Variants in SOX5 observed in about 807,000 individuals in gnomAD.
SOX5 encodes SRY-box transcription factor 5, also known as transcription factor SOX-5.
In SOX5, 9 loss-of-function variants were observed where a neutral mutation model predicts 92.0. That is an observed-to-expected ratio of 0.10 (90% confidence interval 0.06 to 0.17). The LOEUF is 0.17. Ranked by LOEUF, SOX5 falls within the 10% of genes least tolerant of loss-of-function variation. The pLI is 1.00. For missense variants in SOX5, 642 were observed against 944.5 expected, an observed-to-expected ratio of 0.68 and a Z score of 4.20; for synonymous variants, 344 against 336.3, an observed-to-expected ratio of 1.02 and a Z score of -0.25.
intron 1 of SOX5, among the ~76,000 whole-genome samples, chr12:23,899,422 A>G (rs1477716972): frequency 1.3e-5 from 2 of 151,594 alleles, no homozygotes; most frequent in African/African-American, 2.4e-5. Flanking sequence ...AAAAAAAAAA[A>G]GGCACCACAA....
intron 2 of SOX5, among the ~76,000 whole-genome samples, chr12:23,895,258 T>G (rs1432066095): frequency 6.9e-6 from 1 of 145,250 alleles, no homozygotes; most frequent in Non-Finnish European, 1.5e-5. Flanking sequence ...ACAGTGTGAA[T>G]AGGCCTGAGT....
intron 4 of SOX5, among the ~76,000 whole-genome samples, chr12:24,085,232 T>G (rs1203701363): frequency 1.3e-5 from 2 of 152,148 alleles, no homozygotes; most frequent in Non-Finnish European, 2.9e-5. Flanking sequence ...CTGTTCACCC[T>G]GAATTCATCC....
intron 4 of SOX5, among the ~76,000 whole-genome samples, chr12:24,167,006 C>A (rs1363693931): frequency 1.3e-5 from 2 of 152,090 alleles, no homozygotes; most frequent in Admixed American, 6.5e-5. Context: ...GGAAAATATG[C>A]TTTTGAAGGA....
At chr12:24,011,417 C>T (rs1952919981) in intron 4 of SOX5, among the ~76,000 whole-genome samples, 1 of 152,134 alleles carries the variant, frequency 6.6e-6, no homozygotes, top group South Asian at 2.1e-4. Flanking sequence ...TGTAGATGAG[C>T]CCATTGTGAC....
At chr12:24,131,987 C>CAAGGATGTCGT (rs2138509835) in intron 4 of SOX5, among the ~76,000 whole-genome samples, 1 of 152,240 alleles carries the variant, frequency 6.6e-6, no homozygotes, top group South Asian at 2.1e-4. Context: ...TCAAGGAGCA[C>CAAGGATGTCGT]GACCACATCC....
intron 8 of SOX5, among the ~76,000 whole-genome samples, chr12:23,638,915 T>C (rs2079642981): frequency 6.6e-6 from 1 of 152,004 alleles, no homozygotes; most frequent in Non-Finnish European, 1.5e-5. Context: ...CTTTTTTATA[T>C]GTTTATGTAA....
At chr12:23,903,021 G>T (rs1463624392) in intron 1 of SOX5, among the ~76,000 whole-genome samples, 1 of 152,044 alleles carries the variant, frequency 6.6e-6, no homozygotes, top group East Asian at 1.9e-4. Flanking sequence ...TTACCTTTAA[G>T]GAAGTTAGAG....
Position 23,895,951 on chromosome 12 carries a change from T to G in SOX5, c.112A>C (p.Lys38Gln), listed in dbSNP as rs759232610. Residue 38 changes from lysine (K) to glutamine (Q), a missense_variant, in exon 2 of 15, where the codon AAA becomes CAA. By Grantham distance (53) the Lys-to-Gln change is moderately conservative. Transcript: ENST00000451604. The part of the protein sequence containing the change: ...GEVAMVTSRQ[K>Q]VEEEESDGLP... ...CCGTCACTCTCCTCTTCTTCCACTT[T>G]CTGTCTGCTTGTCACCATGGCTACC... 1 of 1,614,136 alleles carries G rather than the reference T, an allele frequency of 6.2e-7. No homozygotes were observed. Among genetic ancestry groups the G allele is most frequent in the East Asian group, 2.2e-5 (1 of 44,878 alleles).
At chr12:23,549,798 T>C (rs1943845763) in intron 11 of SOX5, among the ~76,000 whole-genome samples, 1 of 151,896 alleles carries the variant, frequency 6.6e-6, no homozygotes, top group Non-Finnish European at 1.5e-5. Flanking sequence ...ACTCTGCAGG[T>C]TTGCTGAGAT....
At chr12:24,120,688 T>C (rs1948521084) in intron 4 of SOX5, among the ~76,000 whole-genome samples, 2 of 152,224 alleles carry the variant, frequency 1.3e-5, no homozygotes, top group African/African-American at 2.4e-5. Flanking sequence ...AATCAACATA[T>C]AATATGTTTG....
At chr12:24,459,740 A>G (rs1185998568) in intron 1 of SOX5, among the ~76,000 whole-genome samples, 1 of 152,216 alleles carries the variant, frequency 6.6e-6, no homozygotes, top group African/African-American at 2.4e-5. Context: ...CATATGAACA[A>G]GAATAATGCT....
At chr12:24,400,466 G>A (rs980436157) in intron 1 of SOX5, among the ~76,000 whole-genome samples, 2 of 152,178 alleles carry the variant, frequency 1.3e-5, no homozygotes, top group African/African-American at 4.8e-5. Context: ...CAACAGCAAT[G>A]TTAAAGCAAA....
intron 2 of SOX5, among the ~76,000 whole-genome samples, chr12:24,361,588 C>T (rs1046786351): frequency 6.6e-6 from 1 of 151,544 alleles, no homozygotes. Context: ...AGTGAACCAA[C>T]AGTGATGAGG....
At chr12:24,301,634 G>A (rs1471632314) in intron 2 of SOX5, among the ~76,000 whole-genome samples, 2 of 152,158 alleles carry the variant, frequency 1.3e-5, no homozygotes, top group Non-Finnish European at 2.9e-5. Context: ...GCCCTTTATT[G>A]CAGTTTCTAA....
chr12:24,300,325 C>T (rs988344253), intron 2 of SOX5, among the ~76,000 whole-genome samples: 13 of 152,230 alleles, frequency 8.5e-5, no homozygotes, highest in Admixed American at 5.2e-4. Context: ...TAACTATATG[C>T]GTTAGCTAGT....
At chr12:24,554,603 G>C (rs1036401033) in intron 1 of SOX5, among the ~76,000 whole-genome samples, 7 of 152,070 alleles carry the variant, frequency 4.6e-5, no homozygotes, top group African/African-American at 1.7e-4. Flanking sequence ...GTTTCCCACA[G>C]TACAACACAG....
At chr12:24,045,569 G>A (rs1306786731) in intron 4 of SOX5, among the ~76,000 whole-genome samples, 2 of 152,142 alleles carry the variant, frequency 1.3e-5, no homozygotes, top group South Asian at 2.1e-4. Flanking sequence ...CAAACTGCTG[G>A]GATTACAAGT....
chr12:24,283,710 TTC>T (rs1178002130), intron 2 of SOX5, among the ~76,000 whole-genome samples: 112 of 152,346 alleles, frequency 7.4e-4, no homozygotes, highest in Non-Finnish European at 3.8e-4. Flanking sequence ...TCCTATTTCC[TTC>T]TGTTTTGTTT....
intron 1 of SOX5, among the ~76,000 whole-genome samples, chr12:23,947,716 A>C (rs979459414): frequency 6.6e-6 from 1 of 151,908 alleles, no homozygotes. Context: ...AAAAAAATGA[A>C]ATTCCCACCA....
Sources: gnomAD v4.1 joint callset for allele counts (sites outside exome capture counted in the v4.1 genomes callset) on GRCh38, gnomAD v4.1.1 for gene constraint, MANE v1.5 for transcripts, NCBI Gene and HGNC (gene_info 2026-07-23, HGNC 2026-07-21) for gene names.